Variants in PTPRQ observed in about 807,000 individuals in gnomAD.
PTPRQ encodes the protein protein tyrosine phosphatase receptor type Q.
A neutral mutation model predicts 246.0 loss-of-function variants in PTPRQ; 199 were observed. That is an observed-to-expected ratio of 0.81 (90% CI 0.72 to 0.91). The LOEUF is 0.91. Ranked by LOEUF, PTPRQ falls within the 40% of genes least tolerant of loss-of-function variation. PTPRQ has a pLI of 0.00. For missense variants in PTPRQ, 2,624 were observed against 2,528.4 expected (o/e 1.04, Z -0.81); for synonymous variants, 869 against 853.2 (o/e 1.02, Z -0.32).
At position 80,514,402 on chromosome 12, in the gene PTPRQ, A is replaced by ACACACACACACACACT. The variant is rs552667526; in HGVS notation, c.2678+3960_2678+3961insACACACACACACACTC. Among the ~76,000 whole-genome samples, 110 of 113,018 alleles carry ACACACACACACACACT rather than the reference A, an allele frequency of 9.7e-4. 1 individual carries two copies. The Middle Eastern group carries it at 0.018, about 19-fold the overall frequency. 74.1% of individuals were successfully genotyped at this position (113,018 alleles called of 152,430 possible). A position where few individuals can be genotyped will look rare whatever the true frequency, so the allele number is the denominator to read the frequency against. The stretch of plus-strand genomic sequence containing the variant: ...CACACACACACACACACACACACAC[A>ACACACACACACACACT]CTCTCTCTCTCTCTCTCTGCTTTAA... On this transcript the variant is annotated intron_variant, in intron 17 of 44. Transcript: ENST00000644991.
chr12:80,634,861 G>A (rs1899581651), intron 34 of PTPRQ, 84 bp from the exon 35 acceptor site: 1 of 1,499,810 alleles, frequency 6.7e-7, no homozygotes, highest in Admixed American at 2.3e-5. Flanking sequence ...TTGACTAAAT[G>A]TCTTTACTTA....
intron 26 of PTPRQ, among the ~76,000 whole-genome samples, chr12:80,596,453 T>G (rs1897973229): frequency 6.6e-6 from 1 of 151,970 alleles, no homozygotes; most frequent in Non-Finnish European, 1.5e-5. Context: ...TTTTAGAAAG[T>G]CTGATTTTCA....
At chr12:80,485,340 C>T (rs768137309) in intron 9 of PTPRQ, among the ~76,000 whole-genome samples, 42 of 152,256 alleles carry the variant, frequency 2.8e-4, no homozygotes, top group Middle Eastern at 3.4e-3. Context: ...GGCTGCTCCC[C>T]GGGGCATTCA....
rs78776778 is a variant in PTPRQ at position 80,445,106 on chromosome 12, C to T, written c.163+257C>T. ...AGATCAGAGAGACTGTTAATGCTAA[C>T]ATTTAAATAATACAGAACCATGAAA... On this transcript the variant is annotated intron_variant, in intron 2 of 44. Transcript: ENST00000644991. 5.5e-3 allele frequency among the ~76,000 whole-genome samples: 837 copies of T among 151,966 alleles called. 8 individuals are homozygous for T. Among genetic ancestry groups the T allele is most frequent in the African/African-American group, 0.02 (815 of 41,518 alleles).
chr12:80,656,123 GATCATATAAA>G (rs1015674608), intron 38 of PTPRQ, among the ~76,000 whole-genome samples: 1 of 152,082 alleles, frequency 6.6e-6, no homozygotes, highest in African/African-American at 2.4e-5. Flanking sequence ...CATTAAACTA[GATCATATAAA>G]ATTCTATATT....
chr12:80,663,144 A>G (rs986838748), intron 39 of PTPRQ, among the ~76,000 whole-genome samples: 1 of 151,864 alleles, frequency 6.6e-6, no homozygotes, highest in African/African-American at 2.4e-5. Flanking sequence ...TAATACATAG[A>G]TATATGTATT....
At chr12:80,646,936 G>T (rs1900096334) in intron 35 of PTPRQ, among the ~76,000 whole-genome samples, 1 of 152,062 alleles carries the variant, frequency 6.6e-6, no homozygotes, top group Non-Finnish European at 1.5e-5. Flanking sequence ...GCAATAATAT[G>T]AATAATATTT....
chr12:80,503,203 T>C (rs2063759938), intron 14 of PTPRQ, among the ~76,000 whole-genome samples: 1 of 151,854 alleles, frequency 6.6e-6, no homozygotes, highest in South Asian at 2.1e-4. Context: ...TCTCAGCAGG[T>C]CCAAGATTTC....
At chr12:80,585,985 T>TTGGTTTTTTTGTTCTTGCGATAGTTTAC (rs1356142634) in intron 25 of PTPRQ, among the ~76,000 whole-genome samples, 2 of 150,776 alleles carry the variant, frequency 1.3e-5, no homozygotes, top group African/African-American at 2.4e-5. Flanking sequence ...TATGTGGTGT[T>TTGGTTTTTTTGTTCTTGCGATAGTTTAC]TGGTTTTTTT....
intron 25 of PTPRQ, among the ~76,000 whole-genome samples, chr12:80,566,029 T>C (rs571834228): frequency 6.6e-6 from 1 of 152,312 alleles, no homozygotes; most frequent in South Asian, 2.1e-4. Context: ...ACCTACTCAC[T>C]ACAACCTTGA....
chr12:80,588,192 G>A lies in PTPRQ; in HGVS notation c.4349G>A (p.Trp1450Ter), dbSNP rs985717064. 1.9e-6 allele frequency: 3 copies of A among 1,550,494 alleles called. No homozygotes were observed. Among genetic ancestry groups the A allele is most frequent in the Non-Finnish European group, 2.6e-6 (3 of 1,146,422 alleles). The change falls in exon 26 of 45, where the codon TGG (tryptophan) becomes TAG (stop). Residue 1450 changes from tryptophan to a stop codon, truncating the protein, a stop_gained. Coordinates refer to ENST00000644991, the MANE Select transcript of PTPRQ (RefSeq NM_001145026.2). LOFTEE classifies it high-confidence loss of function. ...CAGTCAACTAGTGCAACATTGACAT[G>A]GATAAGACCTGACACTATCCTTGGC... ...DVQSTSATLT[W>*]IRPDTILGYF...
chr12:80,620,238 A>T lies in PTPRQ; in HGVS notation c.5474A>T (p.Asn1825Ile), dbSNP rs1282674447. The T allele has an allele frequency of 1.3e-6, 2 of 1,549,390 alleles. No homozygotes were observed. The highest frequency in any genetic ancestry group is 1.2e-5 in the South Asian group (1 of 83,990). The change falls in exon 32 of 45, where the codon AAC becomes ATC. Residue 1825 changes from asparagine to isoleucine, a missense_variant. Coordinates refer to ENST00000644991, the MANE Select transcript of PTPRQ (RefSeq NM_001145026.2). The stretch of plus-strand genomic sequence containing the variant: ...TATTTTACAAATGAAGGCTTTCCTA[A>T]CCCTCCATGTACAGAAGGAAAGACA... Reference protein sequence around the residue: ...RPYFTNEGFPNPPCTEGKTKF... With the variant: ...RPYFTNEGFPIPPCTEGKTKF...
chr12:80,493,338 G>T lies in PTPRQ; in HGVS notation c.1423G>T (p.Glu475Ter), dbSNP rs557277948. 1.3e-6 allele frequency: 2 copies of T among 1,549,664 alleles called. No individual in the cohort carries two copies. The highest frequency in any genetic ancestry group is 2.7e-5 in the African/African-American group (2 of 73,014). The change falls in exon 10 of 45, where the codon GAG becomes TAG. Residue 475 changes from glutamate to a stop codon, truncating the protein, a stop_gained. Transcript: ENST00000644991. LOFTEE classifies it high-confidence loss of function. ...NIVEPMVGLY[E>*]GSAEMSSDLH... ...AGTAGAGCCAATGGTAGGATTATAT[G>T]AGGGTTCAGCAGAGATGTCGTCTGA...
chr12:80,638,265 G>GT lies in PTPRQ; in HGVS notation c.5915+3194dup, dbSNP rs1338012349. ...GCCTGGGCAACAAGAGTGAAACTCC[G>GT]TTAAAAAAAAAAAAAAAAAATCTAC... On this transcript the variant is annotated intron_variant, in intron 35 of 44. Transcript: ENST00000644991. 4.8e-4 allele frequency among the ~76,000 whole-genome samples: 58 copies of GT among 119,986 alleles called. 1 individual carries two copies. Among genetic ancestry groups the GT allele is most frequent in the Admixed American group, 1.3e-3 (17 of 12,694 alleles). 78.7% of individuals were successfully genotyped at this position (119,986 alleles called of 152,430 possible).
At chr12:80,591,120 CTTTTTTTTTTTTT>C (rs757029945) in intron 26 of PTPRQ, among the ~76,000 whole-genome samples, 1 of 77,402 alleles carries the variant, frequency 1.3e-5, no homozygotes, top group Non-Finnish European at 2.4e-5. Context: ...TTGATCATTG[CTTTTTTTTTTTTT>C]TTTTTTTTTT....
Position 80,505,923 on chromosome 12 carries a change from G to A in PTPRQ, c.2273-101G>A, listed in dbSNP as rs963000777. 43 of 1,253,068 alleles carry A rather than the reference G, an allele frequency of 3.4e-5. No individual in the cohort carries two copies. The African/African-American group carries it at 3.6e-4, about 10-fold the overall frequency. The allele number at this position is 1,253,068 out of a possible 1,614,324, so 77.6% of individuals were successfully genotyped here. ...TTTATTACGATTACATTCTAGTGAA[G>A]GTTCAATTGTAAATAACCTAGTGCA... On this transcript the variant is annotated intron_variant, in intron 14 of 44. Transcript: ENST00000644991.
chr12:80,592,357 G>A (rs1897827579), intron 26 of PTPRQ, among the ~76,000 whole-genome samples: 1 of 151,998 alleles, frequency 6.6e-6, no homozygotes, highest in Non-Finnish European at 1.5e-5. Flanking sequence ...TGGAATAGAA[G>A]ACATTTTTCT....
chr12:80,603,722 A>G (rs1223448307), intron 26 of PTPRQ, among the ~76,000 whole-genome samples: 1 of 151,420 alleles, frequency 6.6e-6, no homozygotes, highest in Admixed American at 6.6e-5. Flanking sequence ...TCCTCCCCTT[A>G]TCACAGAAGT....
At chr12:80,490,744 G>A (rs12810534) in intron 9 of PTPRQ, among the ~76,000 whole-genome samples, 76,062 of 151,700 alleles carry the variant, frequency 0.5, 23,018 homozygotes, top group Non-Finnish European at 0.67. Flanking sequence ...AGTGAGTTGC[G>A]AATTTTTAGG....
Sources: allele counts gnomAD v4.1 joint callset (sites outside exome capture counted in the v4.1 genomes callset), GRCh38; gene constraint gnomAD v4.1.1; transcripts MANE v1.5; gene names NCBI Gene and HGNC (gene_info 2026-07-23, HGNC 2026-07-21).